The following NEGR1 variants were observed in gnomAD, a reference collection of about 807,000 sequenced individuals.
NEGR1 encodes the protein neuronal growth regulator 1, also known as IgLON family member 4.
A neutral mutation model predicts 40.9 loss-of-function variants in NEGR1; 10 were observed. The observed-to-expected ratio is 0.24, with a 90% CI of 0.15 to 0.42. The LOEUF is 0.42. Ranked by LOEUF, NEGR1 falls within the 10% of genes least tolerant of loss-of-function variation. NEGR1 has a pLI of 1.00. For synonymous variants in NEGR1, 185 were observed against 166.8 expected, an observed-to-expected ratio of 1.11 and a Z score of -0.84; for missense variants, 352 against 438.9, an observed-to-expected ratio of 0.80 and a Z score of 1.77.
intron 6 of NEGR1, among the ~76,000 whole-genome samples, chr1:71,556,454 T>C (rs1648254887): frequency 6.6e-6 from 1 of 151,726 alleles, no homozygotes; most frequent in Non-Finnish European, 1.5e-5. Context: ...TAAGTCAAAC[T>C]GAATGCTATG....
chr1:72,217,441 A>G (rs1369685567), intron 1 of NEGR1, among the ~76,000 whole-genome samples: 1 of 151,828 alleles, frequency 6.6e-6, no homozygotes, highest in East Asian at 1.9e-4. Flanking sequence ...AATCAATTTA[A>G]TAATAAGTAA....
chr1:72,250,702 T>C (rs1463573255), intron 1 of NEGR1, among the ~76,000 whole-genome samples: 1 of 152,176 alleles, frequency 6.6e-6, no homozygotes, highest in Non-Finnish European at 1.5e-5. Context: ...CTTTTCTTTG[T>C]CCATTTTTAT....
At chr1:71,566,662 T>G (rs149525660) in intron 6 of NEGR1, among the ~76,000 whole-genome samples, 2 of 152,312 alleles carry the variant, frequency 1.3e-5, no homozygotes. Context: ...TTTTTGGCTA[T>G]GCAGGCCAAA....
At chr1:71,639,823 A>G (rs1651287513) in intron 4 of NEGR1, among the ~76,000 whole-genome samples, 1 of 152,062 alleles carries the variant, frequency 6.6e-6, no homozygotes. Context: ...ATACATTAGT[A>G]GAGGGGTGGA....
At chr1:71,836,584 C>A (rs1015757568) in intron 2 of NEGR1, among the ~76,000 whole-genome samples, 3 of 151,274 alleles carry the variant, frequency 2.0e-5, no homozygotes, top group Non-Finnish European at 2.9e-5. Flanking sequence ...CTGTGTATAT[C>A]AAGACAACCT....
intron 1 of NEGR1, among the ~76,000 whole-genome samples, chr1:72,011,604 C>G (rs970526695): frequency 1.3e-5 from 2 of 152,098 alleles, no homozygotes; most frequent in South Asian, 4.1e-4. Context: ...CCTCAAAAAG[C>G]TGACATTTTT....
intron 6 of NEGR1, among the ~76,000 whole-genome samples, chr1:71,535,972 C>G (rs1384648412): frequency 6.6e-6 from 1 of 151,542 alleles, no homozygotes; most frequent in Non-Finnish European, 1.5e-5. Flanking sequence ...TATAAACAAC[C>G]AAGTGAGAGT....
At chr1:71,612,459 C>T (rs145583587) in intron 4 of NEGR1, among the ~76,000 whole-genome samples, 30 of 152,132 alleles carry the variant, frequency 2.0e-4, no homozygotes, top group African/African-American at 6.7e-4. Context: ...ATGTGCCAGG[C>T]ATTTCTCAAG....
intron 2 of NEGR1, among the ~76,000 whole-genome samples, chr1:71,840,746 G>T (rs1485006625): frequency 6.6e-6 from 1 of 152,026 alleles, no homozygotes; most frequent in East Asian, 1.9e-4. Context: ...ACTGGACCGT[G>T]GTACCCAAAT....
At chr1:71,706,460 C>T (rs940199253) in intron 3 of NEGR1, among the ~76,000 whole-genome samples, 3 of 150,714 alleles carry the variant, frequency 2.0e-5, no homozygotes, top group Non-Finnish European at 4.4e-5. Flanking sequence ...GGCCCAGACA[C>T]AGTGGACTGG....
At chr1:72,116,161 T>C (rs1649570859) in intron 1 of NEGR1, among the ~76,000 whole-genome samples, 1 of 151,744 alleles carries the variant, frequency 6.6e-6, no homozygotes, top group African/African-American at 2.4e-5. Flanking sequence ...CAGTAAAAGT[T>C]CCACTCTGGG....
chr1:71,742,957 C>T (rs1026450289), intron 3 of NEGR1, among the ~76,000 whole-genome samples: 2 of 152,076 alleles, frequency 1.3e-5, no homozygotes, highest in African/African-American at 4.8e-5. Context: ...GGGTGGCACT[C>T]CCATGACAGA....
chr1:71,687,253 G>A (rs953860178), intron 4 of NEGR1, among the ~76,000 whole-genome samples: 4 of 152,044 alleles, frequency 2.6e-5, no homozygotes, highest in Admixed American at 1.3e-4. Flanking sequence ...TTAAGTTATC[G>A]GTAGACTGAA....
chr1:72,094,637 C>A (rs1393158221), intron 1 of NEGR1, among the ~76,000 whole-genome samples: 1 of 152,156 alleles, frequency 6.6e-6, no homozygotes, highest in South Asian at 2.1e-4. Context: ...CTCCCTACCA[C>A]TGTCCTATGT....
intron 1 of NEGR1, among the ~76,000 whole-genome samples, chr1:72,095,837 A>T (rs1311262713): frequency 6.6e-6 from 1 of 152,170 alleles, no homozygotes; most frequent in African/African-American, 2.4e-5. Flanking sequence ...AGGGTGAATT[A>T]TGATGAAATT....
chr1:71,785,920 T>C (rs966591488), intron 2 of NEGR1, among the ~76,000 whole-genome samples: 1 of 152,188 alleles, frequency 6.6e-6, no homozygotes, highest in Non-Finnish European at 1.5e-5. Flanking sequence ...TTTCTCAAAA[T>C]GTGTTTTAGC....
chr1:71,651,698 CACTT>C (rs1452805363), intron 4 of NEGR1, among the ~76,000 whole-genome samples: 2 of 152,042 alleles, frequency 1.3e-5, no homozygotes, highest in African/African-American at 4.8e-5. Flanking sequence ...ATGTTGAACT[CACTT>C]ATGAATGTAT....
chr1:71,778,130 T>C (rs1253986939), intron 2 of NEGR1, among the ~76,000 whole-genome samples: 1 of 151,998 alleles, frequency 6.6e-6, no homozygotes, highest in African/African-American at 2.4e-5. Flanking sequence ...GTTGTAGGTA[T>C]AGGTTTAATT....
rs368286729 is a variant in NEGR1 at position 71,396,803 on chromosome 1, C to T, written c.*10643G>A. 120 of 163,476 alleles carry T rather than the reference C, an allele frequency of 7.3e-4. No homozygotes were observed. Among genetic ancestry groups the T allele is most frequent in the African/African-American group, 2.1e-3 (88 of 41,784 alleles). 10.1% of individuals were successfully genotyped at this position (163,476 alleles called of 1,614,324 possible). On this transcript the variant is annotated 3_prime_UTR_variant, in exon 7 of 7. Coordinates refer to ENST00000357731, the MANE Select transcript of NEGR1 (RefSeq NM_173808.3). ...CATGATTGTGAGGCCTCCCCAGCCA[C>T]GTGGAACTGTAAGTCTGATAAACCT... is the stretch of plus-strand genomic sequence containing the variant.
Sources: gnomAD v4.1 joint callset for allele counts (sites outside exome capture counted in the v4.1 genomes callset) on GRCh38, gnomAD v4.1.1 for gene constraint, MANE v1.5 for transcripts, NCBI Gene and HGNC (gene_info 2026-07-23, HGNC 2026-07-21) for gene names.